The following GRIA1 variants were observed in gnomAD, a reference collection of about 807,000 sequenced individuals.
GRIA1 encodes the protein glutamate ionotropic receptor AMPA type subunit 1.
GRIA1 carries 31 observed loss-of-function variants against 99.2 expected under a neutral mutation model. The ratio of observed to expected loss-of-function variants is 0.31; its 90% CI spans 0.23 to 0.42. The LOEUF is 0.42. Ranked by LOEUF, GRIA1 falls within the 10% of genes least tolerant of loss-of-function variation. GRIA1 has a pLI of 1.00. For missense variants in GRIA1, 782 were observed against 1,157.5 expected (o/e 0.68, Z 4.71); for synonymous variants, 438 against 432.4 (o/e 1.01, Z -0.16).
chr5:153,649,744 G>A (rs1754418557), intron 3 of GRIA1, among the ~76,000 whole-genome samples: 1 of 152,158 alleles, frequency 6.6e-6, no homozygotes, highest in African/African-American at 2.4e-5. Flanking sequence ...TTACAGGCGT[G>A]AGCCACTGGG....
intron 11 of GRIA1, among the ~76,000 whole-genome samples, chr5:153,714,352 A>G (rs1373093263): frequency 2.0e-5 from 3 of 152,216 alleles, no homozygotes; most frequent in Non-Finnish European, 4.4e-5. Flanking sequence ...TTATATATAC[A>G]TTTTTAAGGG....
intron 11 of GRIA1, among the ~76,000 whole-genome samples, chr5:153,743,967 G>A (rs1252518512): frequency 6.6e-6 from 1 of 152,172 alleles, no homozygotes; most frequent in East Asian, 1.9e-4. Flanking sequence ...TCCTAGTGAT[G>A]AACATAATAT....
At chr5:153,612,159 C>T (rs755292413) in intron 2 of GRIA1, among the ~76,000 whole-genome samples, 1 of 152,172 alleles carries the variant, frequency 6.6e-6, no homozygotes, top group Non-Finnish European at 1.5e-5. Flanking sequence ...CCATTGGCAC[C>T]TAGGTGGGAA....
intron 2 of GRIA1, among the ~76,000 whole-genome samples, chr5:153,514,545 C>G (rs561353077): frequency 6.6e-6 from 1 of 152,272 alleles, no homozygotes; most frequent in East Asian, 1.9e-4. Context: ...TTCCATTGGT[C>G]TACATATCTG....
At chr5:153,600,294 A>G (rs1475900264) in intron 2 of GRIA1, among the ~76,000 whole-genome samples, 1 of 146,512 alleles carries the variant, frequency 6.8e-6, no homozygotes, top group Non-Finnish European at 1.5e-5. Flanking sequence ...CGGGAGGCTG[A>G]GGCAGCAGAA....
chr5:153,689,032 C>T (rs947949682), intron 8 of GRIA1, among the ~76,000 whole-genome samples: 7 of 151,218 alleles, frequency 4.6e-5, no homozygotes, highest in South Asian at 2.1e-4. Context: ...TTTTTTCTTT[C>T]TTTCTTTCTT....
At chr5:153,670,929 G>GATT (rs1220339095) in intron 5 of GRIA1, among the ~76,000 whole-genome samples, 1 of 152,128 alleles carries the variant, frequency 6.6e-6, no homozygotes, top group Non-Finnish European at 1.5e-5. Flanking sequence ...AGAGATGCAA[G>GATT]ATTATTATTC....
chr5:153,738,614 C>A (rs1202883723), intron 11 of GRIA1, among the ~76,000 whole-genome samples: 2 of 151,832 alleles, frequency 1.3e-5, no homozygotes, highest in Non-Finnish European at 1.5e-5. Context: ...CTCCTGATTC[C>A]ATTTGGGTTT....
chr5:153,581,168 T>C (rs540009492), intron 2 of GRIA1, among the ~76,000 whole-genome samples: 1 of 152,322 alleles, frequency 6.6e-6, no homozygotes, highest in Admixed American at 6.5e-5. Context: ...AGTATTGTAT[T>C]TAGTTACATT....
intron 15 of GRIA1, among the ~76,000 whole-genome samples, chr5:153,810,616 A>T (rs975405962): frequency 6.6e-6 from 1 of 152,254 alleles, no homozygotes; most frequent in Non-Finnish European, 1.5e-5. Flanking sequence ...GTACAGTCAC[A>T]TGACTAATTA....
In GRIA1 at chr5:153,706,002, G is replaced by A. The variant is rs13166679; in HGVS notation, c.1758G>A (p.Gly586=). Residue 586 remains glycine, a synonymous_variant, in exon 11 of 16, where the codon GGG becomes GGA. Transcript: ENST00000285900. ...QTTSDQSNEF[G]IFNSLWFSLG... is the part of the protein sequence containing the mutation. ...CCAGTGACCAGTCCAATGAGTTTGG[G>A]ATATTCAACAGTTTGTGGTTCTCCC... 1.9e-6 allele frequency: 3 copies of A among 1,613,826 alleles called. No homozygotes were observed. The South Asian group carries it at 3.3e-5, about 18-fold the overall frequency.
intron 2 of GRIA1, among the ~76,000 whole-genome samples, chr5:153,561,147 A>G (rs905826546): frequency 8.5e-5 from 13 of 152,228 alleles, no homozygotes; most frequent in Admixed American, 1.3e-4. Flanking sequence ...TCAAGAGTCC[A>G]CATCAGATCC....
intron 2 of GRIA1, among the ~76,000 whole-genome samples, chr5:153,580,345 C>A (rs1438848063): frequency 3.3e-5 from 5 of 152,194 alleles, no homozygotes; most frequent in African/African-American, 4.8e-5. Flanking sequence ...GGGATTTGGG[C>A]AAGGTAAATC....
At chr5:153,740,744 G>A (rs912696981) in intron 11 of GRIA1, among the ~76,000 whole-genome samples, 1 of 152,126 alleles carries the variant, frequency 6.6e-6, no homozygotes, top group African/African-American at 2.4e-5. Flanking sequence ...TCTGGCCAGT[G>A]AACTATGAAC....
At position 153,727,491 on chromosome 5, in the gene GRIA1, T is replaced by C. The variant is rs1449347213; in HGVS notation, c.1823+21424T>C. On this transcript the variant is annotated intron_variant, in intron 11 of 15. Coordinates refer to ENST00000285900, the MANE Select transcript of GRIA1 (RefSeq NM_000827.4). ...TGATTGTATATCTAGAAAACCCCAT[T>C]GTCTCAGCCCAAAATCTCCTTAAGA... Among the ~76,000 whole-genome samples the C allele has an allele frequency of 4.6e-5, 7 of 152,130 alleles. No individual in the cohort carries two copies. In the East Asian group the frequency reaches 5.8e-4, roughly 13 times the overall value.
chr5:153,504,757 G>A (rs1368152612), intron 2 of GRIA1, among the ~76,000 whole-genome samples: 1 of 152,156 alleles, frequency 6.6e-6, no homozygotes, highest in East Asian at 1.9e-4. Flanking sequence ...ACATAGAAGC[G>A]ACTGGGAGGT....
At chr5:153,549,734 A>C (rs1246537948) in intron 2 of GRIA1, among the ~76,000 whole-genome samples, 2 of 145,310 alleles carry the variant, frequency 1.4e-5, no homozygotes, top group Non-Finnish European at 3.1e-5. Context: ...CATCTCTCAA[A>C]GTGATCTAGA....
intron 2 of GRIA1, among the ~76,000 whole-genome samples, chr5:153,496,853 T>C (rs902604995): frequency 2.6e-5 from 4 of 152,224 alleles, no homozygotes; most frequent in Admixed American, 1.3e-4. Flanking sequence ...CCAATAAGTC[T>C]TAGATCTAGA....
intron 11 of GRIA1, among the ~76,000 whole-genome samples, chr5:153,760,369 G>C (rs1465543943): frequency 6.6e-6 from 1 of 151,906 alleles, no homozygotes; most frequent in East Asian, 1.9e-4. Context: ...AAAATTAATA[G>C]TATTTTTATA....
Sources: gnomAD v4.1 joint callset for allele counts (sites outside exome capture counted in the v4.1 genomes callset) on GRCh38, gnomAD v4.1.1 for gene constraint, MANE v1.5 for transcripts, NCBI Gene and HGNC (gene_info 2026-07-23, HGNC 2026-07-21) for gene names.